Variants in GPC5 observed in about 807,000 individuals in gnomAD.
The protein encoded by GPC5 is glypican-5.
A neutral mutation model predicts 53.9 loss-of-function variants in GPC5; 47 were observed. The ratio of observed to expected loss-of-function variants is 0.87; its 90% confidence interval spans 0.69 to 1.11. The LOEUF is 1.11. GPC5 is among the 50% of genes most tolerant of loss of function. GPC5 has a pLI of 0.00. For missense variants in GPC5, 748 were observed against 713.1 expected, an observed-to-expected ratio of 1.05 and a Z score of -0.56; for synonymous variants, 286 against 263.3, an observed-to-expected ratio of 1.09 and a Z score of -0.84.
At chr13:92,642,698 G>C (rs1220691461) in intron 7 of GPC5, among the ~76,000 whole-genome samples, 1 of 152,188 alleles carries the variant, frequency 6.6e-6, no homozygotes, top group African/African-American at 2.4e-5. Flanking sequence ...CAGTTTAGCC[G>C]AGGGGAGCTT....
chr13:92,064,363 T>C (rs1566419472), intron 6 of GPC5, among the ~76,000 whole-genome samples: 1 of 152,186 alleles, frequency 6.6e-6, no homozygotes, highest in Non-Finnish European at 1.5e-5. Context: ...GTTTCTGATG[T>C]AATTGGTCTG....
chr13:91,449,442 A>C (rs979914531), intron 2 of GPC5, among the ~76,000 whole-genome samples: 12 of 152,104 alleles, frequency 7.9e-5, no homozygotes, highest in African/African-American at 2.6e-4. Flanking sequence ...GGTTTGCTGC[A>C]CCCATCAGCC....
intron 5 of GPC5, among the ~76,000 whole-genome samples, chr13:91,774,538 C>T (rs1434495933): frequency 3.3e-5 from 5 of 152,176 alleles, no homozygotes; most frequent in Middle Eastern, 3.4e-3. Context: ...GAGAAGCAGC[C>T]GGAAATCAGT....
chr13:92,281,610 C>A lies in GPC5; in HGVS notation c.1561+136621C>A, dbSNP rs140078868. On this transcript the variant is annotated intron_variant, in intron 7 of 7. Transcript: ENST00000377067. ...TCAGCAATATTCGCTGTTCTGCCACCTCTGCTGCTGATACCCAGGCAAACA... is the reference window on the plus strand; with the variant it reads ...TCAGCAATATTCGCTGTTCTGCCACATCTGCTGCTGATACCCAGGCAAACA... Among the ~76,000 whole-genome samples the A allele has an allele frequency of 5.8e-3, 888 of 152,294 alleles. 9 individuals are homozygous for A. Among genetic ancestry groups the A allele is most frequent in the African/African-American group, 0.02 (831 of 41,550 alleles).
intron 7 of GPC5, among the ~76,000 whole-genome samples, chr13:92,798,339 A>C (rs1242286759): frequency 6.6e-6 from 1 of 151,944 alleles, no homozygotes; most frequent in Non-Finnish European, 1.5e-5. Context: ...AGTTACACTT[A>C]CTGCTGTGTT....
At chr13:91,771,375 C>A (rs571151201) in intron 5 of GPC5, among the ~76,000 whole-genome samples, 5 of 152,072 alleles carry the variant, frequency 3.3e-5, no homozygotes, top group Non-Finnish European at 4.4e-5. Context: ...GCTATTCTTG[C>A]GTCTTTGAAG....
intron 7 of GPC5, among the ~76,000 whole-genome samples, chr13:92,790,526 G>T (rs911093966): frequency 4.6e-5 from 7 of 152,204 alleles, no homozygotes; most frequent in Non-Finnish European, 2.9e-5. Flanking sequence ...AGCATAAAAA[G>T]AAAATTAAGT....
chr13:91,540,433 C>T (rs182215092), intron 2 of GPC5, among the ~76,000 whole-genome samples: 173 of 152,224 alleles, frequency 1.1e-3, no homozygotes, highest in Non-Finnish European at 2.1e-3. Flanking sequence ...TGGGAAAATA[C>T]CTTAATTTTT....
chr13:91,721,665 T>C (rs1167732842), intron 3 of GPC5, among the ~76,000 whole-genome samples: 1 of 152,174 alleles, frequency 6.6e-6, no homozygotes, highest in African/African-American at 2.4e-5. Context: ...CAGTACTATG[T>C]GGCATTTTTC....
intron 7 of GPC5, among the ~76,000 whole-genome samples, chr13:92,755,545 G>GT (rs1367904999): frequency 1.3e-5 from 2 of 151,460 alleles, no homozygotes; most frequent in Non-Finnish European, 2.9e-5. Context: ...CCAGGAGCTG[G>GT]TTTTTTGAAA....
chr13:91,406,395 A>G (rs74106712), intron 1 of GPC5, among the ~76,000 whole-genome samples: 7,366 of 152,176 alleles, frequency 0.048, 338 homozygotes, highest in African/African-American at 0.12. Context: ...ATGGACCCCC[A>G]TGTTTTTCTT....
intron 1 of GPC5, among the ~76,000 whole-genome samples, chr13:91,408,628 C>A (rs1462346089): frequency 6.6e-6 from 1 of 152,084 alleles, no homozygotes; most frequent in Admixed American, 6.5e-5. Flanking sequence ...ATGAAACAAA[C>A]CTGCATAATT....
chr13:92,406,444 T>C (rs1180226467), intron 7 of GPC5, among the ~76,000 whole-genome samples: 3 of 152,180 alleles, frequency 2.0e-5, no homozygotes, highest in African/African-American at 7.2e-5. Flanking sequence ...TACCAAAATA[T>C]ACGTGGAGCT....
intron 7 of GPC5, among the ~76,000 whole-genome samples, chr13:92,348,156 T>G (rs1326547449): frequency 6.7e-6 from 1 of 150,072 alleles, no homozygotes; most frequent in African/African-American, 2.5e-5. Flanking sequence ...ATAAATGCAT[T>G]AAATTCTCCA....
At chr13:91,952,515 T>C (rs528149894) in intron 6 of GPC5, among the ~76,000 whole-genome samples, 1 of 152,168 alleles carries the variant, frequency 6.6e-6, no homozygotes, top group Admixed American at 6.5e-5. Context: ...ATATCAATAA[T>C]ATAGTGTAAT....
chr13:91,533,799 T>C (rs1347389738), intron 2 of GPC5, among the ~76,000 whole-genome samples: 4 of 152,226 alleles, frequency 2.6e-5, no homozygotes, highest in African/African-American at 9.6e-5. Flanking sequence ...ACTTGAATCA[T>C]GTATGTGATT....
At chr13:92,549,365 T>G (rs1882231858) in intron 7 of GPC5, among the ~76,000 whole-genome samples, 1 of 152,262 alleles carries the variant, frequency 6.6e-6, no homozygotes, top group Non-Finnish European at 1.5e-5. Context: ...GAAAGATCTT[T>G]ATTTCCTCTT....
intron 7 of GPC5, among the ~76,000 whole-genome samples, chr13:92,553,295 C>T (rs1456396001): frequency 6.6e-6 from 1 of 151,814 alleles, no homozygotes; most frequent in Non-Finnish European, 1.5e-5. Flanking sequence ...TAACTTGTTC[C>T]CAAAACTAAT....
chr13:92,580,612 G>A (rs1280790842), intron 7 of GPC5, among the ~76,000 whole-genome samples: 2 of 152,128 alleles, frequency 1.3e-5, no homozygotes, highest in Non-Finnish European at 2.9e-5. Flanking sequence ...GGCTTTTCGA[G>A]AGGCCTCAGG....
Sources: allele counts gnomAD v4.1 joint callset (sites outside exome capture counted in the v4.1 genomes callset), GRCh38; gene constraint gnomAD v4.1.1; transcripts MANE v1.5; gene names NCBI Gene and HGNC (gene_info 2026-07-23, HGNC 2026-07-21).